ERBB4: variants seen among roughly 807,000 people sequenced by gnomAD.
ERBB4 encodes erb-b2 receptor tyrosine kinase 4, also known as receptor tyrosine-protein kinase erbB-4.
A neutral mutation model predicts 158.0 loss-of-function variants in ERBB4; 42 were observed. That is an observed-to-expected ratio of 0.27 (90% confidence interval 0.21 to 0.34). The LOEUF is 0.34. Among genes scored for constraint, ERBB4 ranks in the 10% least tolerant of loss-of-function variants. The pLI is 1.00. For synonymous variants in ERBB4, 583 were observed against 558.7 expected (o/e 1.04, Z -0.61); for missense variants, 1,333 against 1,624.1 (o/e 0.82, Z 3.08).
At chr2:211,945,114 C>T (rs150052243) in intron 3 of ERBB4, among the ~76,000 whole-genome samples, 159 of 152,258 alleles carry the variant, frequency 1.0e-3, no homozygotes, top group African/African-American at 3.6e-3. Flanking sequence ...AACTTAATTA[C>T]GGCACTTATT....
At chr2:211,919,302 T>A (rs1014854875) in intron 3 of ERBB4, among the ~76,000 whole-genome samples, 1 of 152,094 alleles carries the variant, frequency 6.6e-6, no homozygotes, top group Non-Finnish European at 1.5e-5. Context: ...GTGGATAAAG[T>A]GTTCTTCCAT....
chr2:211,553,322 T>A (rs2067153929), intron 20 of ERBB4, among the ~76,000 whole-genome samples: 1 of 152,092 alleles, frequency 6.6e-6, no homozygotes, highest in Non-Finnish European at 1.5e-5. Context: ...ACCACAAGCA[T>A]CCTAGGAACC....
intron 1 of ERBB4, among the ~76,000 whole-genome samples, chr2:212,494,778 A>G (rs538877980): frequency 6.8e-4 from 103 of 152,198 alleles, no homozygotes; most frequent in African/African-American, 2.4e-3. Context: ...AATGACTTCA[A>G]TGCTGGGCAT....
intron 4 of ERBB4, among the ~76,000 whole-genome samples, chr2:211,773,620 ATATATATATAT>A (rs1224203721): frequency 3.3e-5 from 2 of 60,584 alleles, no homozygotes; most frequent in Non-Finnish European, 6.7e-5. Flanking sequence ...ATATATATAT[ATATATATATAT>A]ATATATATAT....
rs1559106115 is a variant in ERBB4, at chr2:211,378,461, CTT to C, written c.*5152_*5153del. 4.3e-6 allele frequency: 1 copy of C among 232,474 alleles called. No homozygotes were observed. The highest frequency in any genetic ancestry group is 6.1e-5 in the East Asian group (1 of 16,506). The allele number at this position is 232,474 out of a possible 1,614,324, so 14.4% of individuals were successfully genotyped here. A position where few individuals can be genotyped will look rare whatever the true frequency, so the allele number is the denominator to read the frequency against. ...TGAAATTTCTATTATTTTAGAGAGA[CTT>C]TTAATGAAAAGAAAAAAGCAGCTCA... is the stretch of plus-strand genomic sequence containing the variant. On this transcript the variant is annotated 3_prime_UTR_variant, in exon 28 of 28. Transcript: ENST00000342788.
chr2:211,780,319 G>A (rs1418345234), intron 4 of ERBB4, among the ~76,000 whole-genome samples: 2 of 152,086 alleles, frequency 1.3e-5, no homozygotes, highest in African/African-American at 4.8e-5. Flanking sequence ...AGCTGTGATT[G>A]CACCACTGCA....
chr2:212,364,033 G>T (rs1309604406), intron 1 of ERBB4, among the ~76,000 whole-genome samples: 1 of 151,548 alleles, frequency 6.6e-6, no homozygotes, highest in Non-Finnish European at 1.5e-5. Context: ...ACACATCTCT[G>T]GTAAACTGGT....
At chr2:212,168,472 T>C (rs183095673) in intron 1 of ERBB4, among the ~76,000 whole-genome samples, 71 of 152,216 alleles carry the variant, frequency 4.7e-4, no homozygotes, top group African/African-American at 1.6e-3. Flanking sequence ...CAGTTTCTAA[T>C]GGAGGGCACC....
In ERBB4 at chr2:211,421,429, T is replaced by C. The variant is rs565773843; in HGVS notation, c.2964+578A>G. On this transcript the variant is annotated intron_variant, in intron 24 of 27. Transcript: ENST00000342788. ...AGAGAAATATATTATTATTTTTTAA[T>C]TATCCAAGTCTATCTATTTTTCTAG... 2.0e-5 allele frequency among the ~76,000 whole-genome samples: 3 copies of C among 152,032 alleles called. No individual in the cohort carries two copies. In the South Asian group the frequency reaches 6.2e-4, roughly 31 times the overall value.
intron 20 of ERBB4, among the ~76,000 whole-genome samples, chr2:211,514,124 C>A (rs1291374807): frequency 6.8e-6 from 1 of 147,662 alleles, no homozygotes; most frequent in Non-Finnish European, 1.5e-5. Context: ...TCTCTTCATA[C>A]CCCCTTACCC....
intron 20 of ERBB4, among the ~76,000 whole-genome samples, chr2:211,457,456 C>T (rs963494636): frequency 8.5e-5 from 13 of 152,072 alleles, no homozygotes; most frequent in African/African-American, 3.1e-4. Context: ...ATTATCATTC[C>T]AAGACTCTCA....
At chr2:211,447,050 G>C (rs1448829295) in intron 20 of ERBB4, among the ~76,000 whole-genome samples, 1 of 152,102 alleles carries the variant, frequency 6.6e-6, no homozygotes, top group Non-Finnish European at 1.5e-5. Context: ...CGAATAAATG[G>C]ATTTAATGAA....
rs142319363 is a variant in ERBB4, at chr2:211,749,817, A to G, written c.622+822T>C. Among the ~76,000 whole-genome samples the G allele has an allele frequency of 7.0e-4, 107 of 152,340 alleles. 2 individuals carry two copies. Among genetic ancestry groups the G allele is most frequent in the African/African-American group, 2.4e-3 (100 of 41,586 alleles). On this transcript the variant is annotated intron_variant, in intron 5 of 27. Transcript: ENST00000342788. ...AATATTTTCTGTATCATCTATGATA[A>G]CAAAGAAATATATTTCAACTTGTCA...
chr2:212,102,090 T>TTATATATATATATATATATATATATA (rs57567965), intron 2 of ERBB4, among the ~76,000 whole-genome samples: 1,263 of 107,410 alleles, frequency 0.012, 54 homozygotes, highest in Non-Finnish European at 0.018. Context: ...AAAATTTATT[T>TTATATATATATATATATATATATATA]TATATATATA....
At chr2:212,481,671 C>A (rs1044650796) in intron 1 of ERBB4, among the ~76,000 whole-genome samples, 1 of 152,072 alleles carries the variant, frequency 6.6e-6, no homozygotes, top group African/African-American at 2.4e-5. Context: ...CCAGAAGAAG[C>A]ACAACAAATA....
chr2:212,450,579 T>C (rs553662317), intron 1 of ERBB4, among the ~76,000 whole-genome samples: 1 of 152,226 alleles, frequency 6.6e-6, no homozygotes, highest in Admixed American at 6.5e-5. Flanking sequence ...TGCTGACTCC[T>C]TGATTTTAGT....
chr2:212,029,559 T>G (rs1204959408), intron 2 of ERBB4, among the ~76,000 whole-genome samples: 3 of 152,150 alleles, frequency 2.0e-5, no homozygotes, highest in Admixed American at 2.0e-4. Flanking sequence ...GGGTTTAACT[T>G]CCTAAAGCAA....
intron 20 of ERBB4, among the ~76,000 whole-genome samples, chr2:211,548,823 C>T (rs781151969): frequency 6.6e-6 from 1 of 152,104 alleles, no homozygotes; most frequent in East Asian, 1.9e-4. Flanking sequence ...CAGTTAGGTT[C>T]GGTTATATTT....
At chr2:211,732,331 T>C (rs561897993) in intron 5 of ERBB4, among the ~76,000 whole-genome samples, 34 of 151,878 alleles carry the variant, frequency 2.2e-4, no homozygotes, top group African/African-American at 7.5e-4. Flanking sequence ...TTATCTAACA[T>C]ATTTAAAAAG....
Sources: allele counts gnomAD v4.1 joint callset (sites outside exome capture counted in the v4.1 genomes callset), GRCh38; gene constraint gnomAD v4.1.1; transcripts MANE v1.5; gene names NCBI Gene and HGNC (gene_info 2026-07-23, HGNC 2026-07-21).